CATSPERE: variants seen among roughly 807,000 people sequenced by gnomAD.
The protein encoded by CATSPERE is catsper channel auxiliary subunit epsilon.
In CATSPERE, 93 loss-of-function variants were observed where a neutral mutation model predicts 114.1. The observed-to-expected ratio is 0.81, with a 90% CI of 0.69 to 0.97. The LOEUF is 0.97. Among genes scored for constraint, CATSPERE ranks in the 50% least tolerant of loss-of-function variants. The pLI, the probability that CATSPERE is intolerant of heterozygous loss-of-function variation, is 0.00. For synonymous variants in CATSPERE, 341 were observed against 384.1 expected, an observed-to-expected ratio of 0.89 and a Z score of 1.31; for missense variants, 1,058 against 1,131.6, an observed-to-expected ratio of 0.93 and a Z score of 0.93.
chr1:244,570,218 A>G (rs1448445480), intron 10 of CATSPERE, among the ~76,000 whole-genome samples: 3 of 152,074 alleles, frequency 2.0e-5, no homozygotes, highest in Non-Finnish European at 4.4e-5. Context: ...TAGATTTTCT[A>G]ATTTATTGGC....
chr1:244,477,391 T>A, intron 2 of CATSPERE, 150 bp from the exon 3 acceptor site: 1 of 567,184 alleles, frequency 1.8e-6, no homozygotes, highest in Non-Finnish European at 3.2e-6. Context: ...CTTTTCTTTG[T>A]CACATTACTT....
chr1:244,494,843 A>G (rs2148253448), intron 6 of CATSPERE, among the ~76,000 whole-genome samples: 1 of 152,332 alleles, frequency 6.6e-6, no homozygotes, highest in African/African-American at 2.4e-5. Flanking sequence ...TGATTGCGTA[A>G]GCTCATGTGC....
At position 244,524,178 on chromosome 1, in the gene CATSPERE, A is replaced by C. The variant is rs1171555464; in HGVS notation, c.536+5480A>C. Among the ~76,000 whole-genome samples, 729 of 145,770 alleles carry C rather than the reference A, an allele frequency of 5.0e-3. 30 individuals carry two copies. Among genetic ancestry groups the C allele is most frequent in the African/African-American group, 0.013 (475 of 36,084 alleles). ...GAACAGAACAGAGCCCTCAGAAATAACGCTTCATATCTACAACCATCTGAT... is the reference window on the plus strand; with the variant it reads ...GAACAGAACAGAGCCCTCAGAAATACCGCTTCATATCTACAACCATCTGAT... On this transcript the variant is annotated intron_variant, in intron 8 of 21. Transcript: ENST00000366534.
intron 6 of CATSPERE, among the ~76,000 whole-genome samples, chr1:244,491,310 A>G (rs1200109219): frequency 6.6e-6 from 1 of 152,228 alleles, no homozygotes; most frequent in African/African-American, 2.4e-5. Context: ...ACCGCTAACT[A>G]CATGGAAACT....
At chr1:244,485,181 T>C (rs202197125) in intron 5 of CATSPERE, among the ~76,000 whole-genome samples, 3 of 53,230 alleles carry the variant, frequency 5.6e-5, no homozygotes, top group Non-Finnish European at 1.3e-4. Context: ...TTTCTTTTTC[T>C]TTTTTTTTCT....
At chr1:244,487,036 G>A (rs986437643) in intron 5 of CATSPERE, among the ~76,000 whole-genome samples, 4 of 150,496 alleles carry the variant, frequency 2.7e-5, no homozygotes, top group Non-Finnish European at 4.4e-5. Context: ...TCGTGGGCCA[G>A]GTACAGACGC....
In CATSPERE at chr1:244,575,826, T is replaced by C. The variant is rs1168540806; in HGVS notation, c.1950+3054T>C. ...ACCGAGAAGAGAGGAAAGGGAAGTTTTGAATATTTTTCCTATTGCTGGAGG... is the reference window on the plus strand; with the variant it reads ...ACCGAGAAGAGAGGAAAGGGAAGTTCTGAATATTTTTCCTATTGCTGGAGG... On this transcript the variant is annotated intron_variant, in intron 11 of 21. Transcript: ENST00000366534. This position sits in a 1 kb window ranked among gnomAD's most constrained non-coding sequence, Gnocchi z 4.5. Among the ~76,000 whole-genome samples, 1 of 151,846 alleles carries C rather than the reference T, an allele frequency of 6.6e-6. No homozygotes were observed. Among genetic ancestry groups the C allele is most frequent in the Non-Finnish European group, 1.5e-5 (1 of 67,958 alleles).
intron 7 of CATSPERE, among the ~76,000 whole-genome samples, chr1:244,507,117 A>G (rs76542895): frequency 0.06 from 9,088 of 152,172 alleles, 951 homozygotes; most frequent in African/African-American, 0.21. Context: ...ATAGTATTAC[A>G]TCATATATAT....
rs370233231 is a variant in CATSPERE, at chr1:244,624,780, C to A, written c.2648+7094C>A. ...TCGCACCACTGCACTCCAGCCTGGG[C>A]GACAGAGCGAGAGTCCATCAAAGAA... On this transcript the variant is annotated intron_variant, in intron 20 of 21. Coordinates refer to ENST00000366534, the MANE Select transcript of CATSPERE (RefSeq NM_001130957.2). 6.0e-5 allele frequency among the ~76,000 whole-genome samples: 9 copies of A among 151,148 alleles called. No individual in the cohort carries two copies. The South Asian group carries it at 1.9e-3, about 32-fold the overall frequency.
At chr1:244,625,988 C>T (rs534065466) in intron 20 of CATSPERE, among the ~76,000 whole-genome samples, 2 of 152,118 alleles carry the variant, frequency 1.3e-5, no homozygotes, top group East Asian at 3.9e-4. Context: ...AACAGATATG[C>T]TGTCATCCAA....
chr1:244,482,535 A>G (rs1340232176), intron 5 of CATSPERE, among the ~76,000 whole-genome samples: 1 of 152,088 alleles, frequency 6.6e-6, no homozygotes, highest in Non-Finnish European at 1.5e-5. Context: ...CCAGGAGTTT[A>G]AAGCTACCGT....
At chr1:244,521,192 C>T (rs1402564320) in intron 8 of CATSPERE, among the ~76,000 whole-genome samples, 2 of 151,966 alleles carry the variant, frequency 1.3e-5, no homozygotes, top group African/African-American at 4.8e-5. Context: ...CATCTCTATA[C>T]AAAAATTAAA....
chr1:244,554,838 A>G (rs757095578), intron 9 of CATSPERE, among the ~76,000 whole-genome samples: 4 of 152,184 alleles, frequency 2.6e-5, no homozygotes, highest in Admixed American at 6.5e-5. Flanking sequence ...AAAAAAAGAA[A>G]ACTTACAGGC....
chr1:244,488,966 A>G (rs1189801360), intron 5 of CATSPERE, among the ~76,000 whole-genome samples: 1 of 152,216 alleles, frequency 6.6e-6, no homozygotes, highest in Non-Finnish European at 1.5e-5. Context: ...TTTGTGCATG[A>G]TAATGTACTA....
At chr1:244,465,222 G>A (rs560871133) in intron 2 of CATSPERE, among the ~76,000 whole-genome samples, 1 of 152,160 alleles carries the variant, frequency 6.6e-6, no homozygotes, top group African/African-American at 2.4e-5. Flanking sequence ...TTGTAGTAGA[G>A]ATGGGATTTC....
In CATSPERE at chr1:244,572,425, A is replaced by G; in HGVS notation, c.1603A>G (p.Asn535Asp). The G allele has an allele frequency of 6.2e-7, 1 of 1,606,878 alleles. No homozygotes were observed. Reference sequence around the variant, plus strand: ...TGCAGTAAAGCTGCATTTATGGACAAATTACACAACAAGAGCATTCATTTT... The same window carrying G: ...TGCAGTAAAGCTGCATTTATGGACAGATTACACAACAAGAGCATTCATTTT... ...RDAVKLHLWT[N>D]YTTRAFIFLS... Residue 535 changes from asparagine to aspartate, a missense_variant, in exon 11 of 22, where the codon AAT (asparagine) becomes GAT (aspartate). By Grantham distance (23) the Asn-to-Asp change is conservative. Transcript: ENST00000366534.
At position 244,588,222 on chromosome 1, in the gene CATSPERE, G is replaced by A. The variant is rs187754371; in HGVS notation, c.2086-260G>A. On this transcript the variant is annotated intron_variant, in intron 13 of 21. Transcript: ENST00000366534. Reference sequence around the variant, plus strand: ...AAAAAAAAAAAAAAAGATGAATTTGGATCAATTCCCTGAGACACAAATGTA... The same window carrying A: ...AAAAAAAAAAAAAAAGATGAATTTGAATCAATTCCCTGAGACACAAATGTA... Among the ~76,000 whole-genome samples the A allele has an allele frequency of 2.5e-3, 365 of 145,636 alleles. 1 individual carries two copies. The highest frequency in any genetic ancestry group is 4.0e-3 in the Non-Finnish European group (268 of 67,030).
At chr1:244,630,259 T>C (rs1482694712) in intron 20 of CATSPERE, among the ~76,000 whole-genome samples, 1 of 152,236 alleles carries the variant, frequency 6.6e-6, no homozygotes, top group Non-Finnish European at 1.5e-5. Context: ...GCTCTGCAGA[T>C]ATCAGAGTGT....
chr1:244,456,691 C>G (rs1666192739), upstream of CATSPERE, among the ~76,000 whole-genome samples: 1 of 152,112 alleles, frequency 6.6e-6, no homozygotes, highest in South Asian at 2.1e-4. Context: ...TTTGATTTAC[C>G]TACTTTGGAG....
Sources: gnomAD v4.1 joint callset for allele counts (sites outside exome capture counted in the v4.1 genomes callset) on GRCh38, gnomAD v4.1.1 for gene constraint, Gnocchi (gnomAD v3.1) non-coding constraint, MANE v1.5 for transcripts, NCBI Gene and HGNC (gene_info 2026-07-23, HGNC 2026-07-21) for gene names.